The following CABLES1 variants were observed in gnomAD, a reference collection of about 807,000 sequenced individuals.
CABLES1 encodes the protein Cdk5 and Abl enzyme substrate 1, also known as CDK5 and ABL1 enzyme substrate 1.
In CABLES1, 36 loss-of-function variants were observed where a neutral mutation model predicts 57.8. The observed-to-expected ratio is 0.62, with a 90% confidence interval of 0.48 to 0.82. CABLES1 has a LOEUF of 0.82. CABLES1 is among the 40% of genes least tolerant of loss of function. CABLES1 has a pLI of 0.00. For missense variants in CABLES1, 767 were observed against 836.6 expected, an observed-to-expected ratio of 0.92 and a Z score of 1.03; for synonymous variants, 374 against 363.0, an observed-to-expected ratio of 1.03 and a Z score of -0.35.
chr18:23,255,408 T>C (rs2048138486), intron 9 of CABLES1, among the ~76,000 whole-genome samples: 1 of 151,972 alleles, frequency 6.6e-6, no homozygotes, highest in South Asian at 2.1e-4. Flanking sequence ...TTGAAAAGAG[T>C]ATTTTTTAGG....
intron 1 of CABLES1, among the ~76,000 whole-genome samples, chr18:23,162,175 A>AG (rs2047010093): frequency 2.1e-5 from 1 of 46,516 alleles, no homozygotes; most frequent in South Asian, 7.8e-4. Context: ...CAAAAAAAAA[A>AG]CAACAAAGAG....
intron 1 of CABLES1, among the ~76,000 whole-genome samples, chr18:23,186,295 C>T (rs1025705976): frequency 2.0e-5 from 3 of 152,166 alleles, no homozygotes; most frequent in African/African-American, 7.2e-5. Context: ...CCAGTAGCTC[C>T]CATTCATTAA....
At chr18:23,248,872 G>A (rs185758637) in intron 7 of CABLES1, among the ~76,000 whole-genome samples, 2 of 152,328 alleles carry the variant, frequency 1.3e-5, no homozygotes, top group Admixed American at 1.3e-4. Flanking sequence ...TTACTTACTA[G>A]AATCATTGAG....
At position 23,155,684 on chromosome 18, in the gene CABLES1, C is replaced by T. The variant is rs546579277; in HGVS notation, c.845+19077C>T. On this transcript the variant is annotated intron_variant, in intron 1 of 9. Transcript: ENST00000256925. ...AACACAAGGGTATTTCTGTCTGGGG[C>T]GGCAGGACCTCATGTGGTCTCCACG... 10 of 611,106 alleles carry T rather than the reference C, an allele frequency of 1.6e-5. No homozygotes were observed. The African/African-American group carries it at 1.9e-4, about 12-fold the overall frequency. 37.9% of individuals were successfully genotyped at this position (611,106 alleles called of 1,614,324 possible).
chr18:23,146,779 GT>G (rs2046894258), intron 1 of CABLES1, among the ~76,000 whole-genome samples: 2 of 152,186 alleles, frequency 1.3e-5, no homozygotes, highest in African/African-American at 2.4e-5. Flanking sequence ...TAGAGCTAGA[GT>G]TTTAACATTT....
intron 4 of CABLES1, among the ~76,000 whole-genome samples, chr18:23,229,876 G>C (rs1016877971): frequency 1.3e-5 from 2 of 152,220 alleles, no homozygotes; most frequent in African/African-American, 4.8e-5. Flanking sequence ...GTTAAGCTAT[G>C]TGGCACAATG....
chr18:23,161,971 G>A (rs1321444323), intron 1 of CABLES1, among the ~76,000 whole-genome samples: 2 of 151,418 alleles, frequency 1.3e-5, no homozygotes, highest in African/African-American at 4.9e-5. Context: ...TTTGAGACCA[G>A]CCTGACCAAC....
chr18:23,243,472 T>TTTTTTTTTTTTTTTTTTTTTTG, intron 7 of CABLES1, among the ~76,000 whole-genome samples: 1 of 149,868 alleles, frequency 6.7e-6, no homozygotes, highest in African/African-American at 2.4e-5. Context: ...TTTGGTGTTT[T>TTTTTTTTTTTTTTTTTTTTTTG]TTTTTTTTTT....
intron 1 of CABLES1, among the ~76,000 whole-genome samples, chr18:23,177,033 C>T (rs1322895696): frequency 1.3e-5 from 2 of 152,142 alleles, no homozygotes; most frequent in African/African-American, 4.8e-5. Flanking sequence ...GAGTGTGTCC[C>T]TCCAGCAAGG....
intron 1 of CABLES1, among the ~76,000 whole-genome samples, chr18:23,150,618 C>T (rs1205425723): frequency 6.6e-6 from 1 of 152,146 alleles, no homozygotes; most frequent in African/African-American, 2.4e-5. Flanking sequence ...GGGACCCCTG[C>T]CACCACAGAC....
chr18:23,233,404 C>A (rs1185203770), intron 4 of CABLES1, among the ~76,000 whole-genome samples: 1 of 152,196 alleles, frequency 6.6e-6, no homozygotes, highest in Non-Finnish European at 1.5e-5. Flanking sequence ...AACTCTCCAA[C>A]CTACCGTCCT....
At chr18:23,167,058 G>A (rs1017796697) in intron 1 of CABLES1, among the ~76,000 whole-genome samples, 12 of 152,076 alleles carry the variant, frequency 7.9e-5, no homozygotes, top group African/African-American at 2.9e-4. Flanking sequence ...AATAGCAACC[G>A]GATCACTCAC....
chr18:23,248,929 A>G (rs2047970645), intron 7 of CABLES1, among the ~76,000 whole-genome samples: 1 of 152,274 alleles, frequency 6.6e-6, no homozygotes. Context: ...ATGATCCACA[A>G]GCCACACTGT....
Position 23,258,542 on chromosome 18 carries a change from C to T in CABLES1, c.*1175C>T, listed in dbSNP as rs1668995713. ...CTGGGACAGTCTGTATGAGGCATGTCACCACACTGTCGCCTCATAGCTGCA... is the reference window on the plus strand; with the variant it reads ...CTGGGACAGTCTGTATGAGGCATGTTACCACACTGTCGCCTCATAGCTGCA... On this transcript the variant is annotated 3_prime_UTR_variant, in exon 10 of 10. Transcript: ENST00000256925. The T allele has an allele frequency of 6.6e-6, 1 of 152,224 alleles. No homozygotes were observed. The highest frequency in any genetic ancestry group is 6.5e-5 in the Admixed American group (1 of 15,284). 9.4% of individuals were successfully genotyped at this position (152,224 alleles called of 1,614,324 possible).
chr18:23,210,194 G>A (rs998435490), intron 3 of CABLES1, among the ~76,000 whole-genome samples: 5 of 152,082 alleles, frequency 3.3e-5, no homozygotes, highest in South Asian at 2.1e-4. Flanking sequence ...ATGTGGAAAT[G>A]TGACCTTTAA....
chr18:23,178,787 C>T (rs889340437), intron 1 of CABLES1, among the ~76,000 whole-genome samples: 1 of 152,124 alleles, frequency 6.6e-6, no homozygotes, highest in African/African-American at 2.4e-5. Flanking sequence ...CTGATGAGAG[C>T]CCTTGAAACA....
chr18:23,223,535 G>A (rs1399209780), intron 4 of CABLES1, among the ~76,000 whole-genome samples: 3 of 146,558 alleles, frequency 2.0e-5, no homozygotes, highest in South Asian at 2.2e-4. Flanking sequence ...CCGAGATCTC[G>A]CCATTGCATT....
chr18:23,212,302 G>C (rs2047410625), intron 3 of CABLES1, among the ~76,000 whole-genome samples: 2 of 152,192 alleles, frequency 1.3e-5, no homozygotes, highest in Non-Finnish European at 2.9e-5. Context: ...TCCAAGTATG[G>C]GCTCATGTAC....
At chr18:23,189,152 C>T (rs1274748859) in intron 2 of CABLES1, 6 of 447,466 alleles carry the variant, frequency 1.3e-5, no homozygotes, top group Non-Finnish European at 2.0e-5. Context: ...GCTTTTCTTT[C>T]CGTGGCGCCT....
Sources: gnomAD v4.1 joint callset for allele counts (sites outside exome capture counted in the v4.1 genomes callset) on GRCh38, gnomAD v4.1.1 for gene constraint, MANE v1.5 for transcripts, NCBI Gene and HGNC (gene_info 2026-07-23, HGNC 2026-07-21) for gene names.